The following TLE2 variants were observed in gnomAD, a reference collection of about 807,000 sequenced individuals.
TLE2 encodes transducin-like enhancer protein 2.
Under a neutral mutation model 97.2 loss-of-function variants are expected in TLE2, and 74 were observed. The observed-to-expected ratio is 0.76, with a 90% CI of 0.63 to 0.92. The LOEUF is 0.92. TLE2 is among the 40% of genes least tolerant of loss of function. The pLI, the probability that TLE2 is intolerant of heterozygous loss-of-function variation, is 0.00. For synonymous variants in TLE2, 499 were observed against 432.1 expected, an observed-to-expected ratio of 1.15 and a Z score of -1.92; for missense variants, 1,038 against 1,008.7, an observed-to-expected ratio of 1.03 and a Z score of -0.39.
In TLE2 at chr19:3,019,856, C is replaced by T. The variant is rs1461232531; in HGVS notation, c.295-83G>A. On this transcript the variant is annotated intron_variant, in intron 5 of 19. Transcript: ENST00000262953. This position sits in a 1 kb window ranked among gnomAD's most constrained non-coding sequence, Gnocchi z 5.1. ...TGCCCTTGGGGACCTGACCTCTCCC[C>T]GCCACCCTCTCATCTTTGCCCCGGT... is the stretch of plus-strand genomic sequence containing the variant. 3.3e-5 allele frequency: 49 copies of T among 1,500,512 alleles called. No individual in the cohort carries two copies. Among genetic ancestry groups the T allele is most frequent in the Middle Eastern group, 3.4e-4 (2 of 5,868 alleles). The allele number at this position is 1,500,512 out of a possible 1,614,324, so 92.9% of individuals were successfully genotyped here.
At chr19:3,014,968 G>A (rs905996730) in intron 9 of TLE2, among the ~76,000 whole-genome samples, 10 of 145,934 alleles carry the variant, frequency 6.9e-5, no homozygotes, top group African/African-American at 2.3e-4. Context: ...TAAAGACTCC[G>A]CCTTAATAAA....
At chr19:3,018,724 C>G (rs1484586371) in intron 7 of TLE2, among the ~76,000 whole-genome samples, 1 of 152,072 alleles carries the variant, frequency 6.6e-6, no homozygotes, top group Non-Finnish European at 1.5e-5. Flanking sequence ...AAGCGATTCT[C>G]CTGCCTCAGC....
chr19:3,019,985 G>T lies in TLE2; in HGVS notation c.295-212C>A. 1.5e-6 allele frequency: 1 copy of T among 675,104 alleles called. No homozygotes were observed. Among genetic ancestry groups the T allele is most frequent in the Non-Finnish European group, 2.5e-6 (1 of 406,816 alleles). The allele number at this position is 675,104 out of a possible 1,614,324, so 41.8% of individuals were successfully genotyped here. On this transcript the variant is annotated intron_variant, in intron 5 of 19. Transcript: ENST00000262953. The surrounding 1 kb of genome is among the most constrained non-coding windows in gnomAD (Gnocchi z 5.1). ...AAGAAACCAAACCTAAGTGCAGGTA[G>T]AATAGTTACAAATCAGGCCGGGCAT...
chr19:3,021,232 C>T (rs1012708033), intron 5 of TLE2, among the ~76,000 whole-genome samples: 1 of 151,292 alleles, frequency 6.6e-6, no homozygotes, highest in African/African-American at 2.4e-5. Context: ...TGGTGAAACC[C>T]CATCTCTACT....
chr19:3,015,497 T>A (rs2089682402), intron 9 of TLE2, among the ~76,000 whole-genome samples, 156 bp downstream of exon 9: 1 of 152,162 alleles, frequency 6.6e-6, no homozygotes. Context: ...CATTACAGGA[T>A]CTCCTCTGAT....
chr19:3,028,483 TC>T (rs780750350), intron 2 of TLE2, 101 bp from the exon 3 acceptor site: 48 of 1,198,096 alleles, frequency 4.0e-5, no homozygotes, highest in East Asian at 2.1e-4. Context: ...CTTACAGACC[TC>T]CCCCCACCTC....
intron 5 of TLE2, chr19:3,020,197 A>G (rs1421092097): frequency 1.1e-5 from 2 of 184,614 alleles, no homozygotes; most frequent in African/African-American, 4.7e-5. Flanking sequence ...GATCGTGCCA[A>G]TGCATTCCAG....
chr19:3,005,856 C>T lies in TLE2; in HGVS notation c.1613G>A (p.Arg538His), dbSNP rs1013552367. ...SIWDLAAPTP[R>H]IKAELTSSAP... ...TGAGGAAGTCAGCTCGGCCTTGATA[C>T]GGGGGGTGGGCGCCGCCAGGTCCCA... Residue 538 changes from arginine (R) to histidine (H), a missense_variant, in exon 16 of 20, where the codon CGT becomes CAT. Physicochemically the swap from Arg to His is conservative, Grantham distance 29 (BLOSUM62 0). Coordinates refer to ENST00000262953, the MANE Select transcript of TLE2 (RefSeq NM_003260.5). 5.0e-6 allele frequency: 8 copies of T among 1,613,910 alleles called. No individual in the cohort carries two copies. The highest frequency in any genetic ancestry group is 1.1e-5 in the South Asian group (1 of 91,070).
In TLE2 at chr19:3,008,151, A is replaced by G. The variant is rs148311618; in HGVS notation, c.1250+718T>C. On this transcript the variant is annotated intron_variant, in intron 14 of 19. Coordinates refer to ENST00000262953, the MANE Select transcript of TLE2 (RefSeq NM_003260.5). ...GCACTGACCACATTTCAAGTACTGAAAGCCACGCCCAGCTGGTGGCGACTG... is the reference window on the plus strand; with the variant it reads ...GCACTGACCACATTTCAAGTACTGAGAGCCACGCCCAGCTGGTGGCGACTG... 6.7e-3 allele frequency among the ~76,000 whole-genome samples: 1,018 copies of G among 152,326 alleles called. 10 individuals carry two copies. The highest frequency in any genetic ancestry group is 0.023 in the African/African-American group (961 of 41,566).
At chr19:3,024,351 C>G (rs2089903804) in intron 5 of TLE2, among the ~76,000 whole-genome samples, 1 of 152,026 alleles carries the variant, frequency 6.6e-6, no homozygotes, top group Non-Finnish European at 1.5e-5. Context: ...AGCTCAGCAG[C>G]ATAAAGCACA....
At position 3,028,281 on chromosome 19, in the gene TLE2, C is replaced by T. The variant is rs375240479; in HGVS notation, c.186+38G>A. 2.0e-3 allele frequency: 3,172 copies of T among 1,584,936 alleles called. 4 individuals are homozygous for T. Among genetic ancestry groups the T allele is most frequent in the Non-Finnish European group, 2.5e-3 (2,863 of 1,164,044 alleles). On this transcript the variant is annotated intron_variant, in intron 3 of 19. Coordinates refer to ENST00000262953, the MANE Select transcript of TLE2 (RefSeq NM_003260.5). ...GTCCACCGTGACTCAAAGCCCTGCC[C>T]GCCTCTCCCCTCACCCTGGCATCAT...
At chr19:3,045,811 G>A (rs561057860), upstream of TLE2, 100 of 398,360 alleles carry the variant, frequency 2.5e-4, no homozygotes, top group Middle Eastern at 2.3e-3. Flanking sequence ...TGGGCAACAA[G>A]AGTGAAACTC....
At chr19:3,002,791 C>T (rs568606890) in intron 17 of TLE2, among the ~76,000 whole-genome samples, 5 of 152,176 alleles carry the variant, frequency 3.3e-5, no homozygotes, top group African/African-American at 1.2e-4. Context: ...CTCTGCCTCC[C>T]AGGTTCAAGG....
intron 1 of TLE2, among the ~76,000 whole-genome samples, chr19:3,039,169 G>A (rs1374040617): frequency 2.0e-5 from 3 of 150,018 alleles, no homozygotes; most frequent in East Asian, 1.9e-4. Flanking sequence ...AGCTGAGACC[G>A]TGCCATTGCA....
chr19:3,020,083 G>C, intron 5 of TLE2: 1 of 361,028 alleles, frequency 2.8e-6, no homozygotes, highest in Non-Finnish European at 5.1e-6. Flanking sequence ...AGGAGTTCGA[G>C]ACCAGCCTGG....
At chr19:3,028,680 G>A in intron 2 of TLE2, 26 bp downstream of exon 2, 1 of 1,610,416 alleles carries the variant, frequency 6.2e-7, no homozygotes, top group Non-Finnish European at 8.5e-7. Flanking sequence ...GTGAACTCCC[G>A]CGGCCCCTGG....
intron 17 of TLE2, among the ~76,000 whole-genome samples, chr19:3,003,434 TCATGACCAGCCTGGCCAA>T (rs1171057249): frequency 6.6e-6 from 1 of 152,010 alleles, no homozygotes; most frequent in East Asian, 1.9e-4. Flanking sequence ...GGTCAGAAGT[TCATGACCAGCCTGGCCAA>T]CATGGCGAAA....
At chr19:3,015,495 G>C (rs768294316) in intron 9 of TLE2, among the ~76,000 whole-genome samples, 158 bp downstream of exon 9, 6 of 152,248 alleles carry the variant, frequency 3.9e-5, no homozygotes, top group Non-Finnish European at 8.8e-5. Flanking sequence ...TGCATTACAG[G>C]ATCTCCTCTG....
chr19:2,997,986 C>T lies in TLE2; in HGVS notation c.2125-31G>A, dbSNP rs981699962. 9 of 1,532,278 alleles carry T rather than the reference C, an allele frequency of 5.9e-6. No homozygotes were observed. The Admixed American group carries it at 1.4e-4, about 24-fold the overall frequency. The allele number at this position is 1,532,278 out of a possible 1,614,324, so 94.9% of individuals were successfully genotyped here. On this transcript the variant is annotated intron_variant, in intron 19 of 19. Transcript: ENST00000262953. ...AAGGGAAGGGAGAGAGAAAAGGGCA[C>T]AGTGAGGCATGGTCCCCACAGATGG...
Sources: allele counts gnomAD v4.1 joint callset (sites outside exome capture counted in the v4.1 genomes callset), GRCh38; gene constraint gnomAD v4.1.1; non-coding constraint Gnocchi (gnomAD v3.1); transcripts MANE v1.5; gene names NCBI Gene and HGNC (gene_info 2026-07-23, HGNC 2026-07-21).